Variants in VAV2 observed in about 807,000 individuals in gnomAD.
VAV2 encodes guanine nucleotide exchange factor VAV2.
VAV2 carries 67 observed loss-of-function variants against 132.5 expected under a neutral mutation model. The ratio of observed to expected loss-of-function variants is 0.51; its 90% CI spans 0.42 to 0.62. VAV2 has a LOEUF of 0.62. Ranked by LOEUF, VAV2 falls within the 20% of genes least tolerant of loss-of-function variation. VAV2 has a pLI of 0.00. For synonymous variants in VAV2, 492 were observed against 443.5 expected, an observed-to-expected ratio of 1.11 and a Z score of -1.37; for missense variants, 938 against 1,153.6, an observed-to-expected ratio of 0.81 and a Z score of 2.71.
At chr9:133,976,873 T>G (rs894687936) in intron 1 of VAV2, among the ~76,000 whole-genome samples, 1 of 152,190 alleles carries the variant, frequency 6.6e-6, no homozygotes, top group African/African-American at 2.4e-5. Context: ...ATCCCCATCC[T>G]ACAGAGAAGG....
rs1337668181 is a variant in VAV2, at chr9:133,926,617, C to T, written c.321+12486G>A. 6.6e-6 allele frequency among the ~76,000 whole-genome samples: 1 copy of T among 152,160 alleles called. No individual in the cohort carries two copies. Among genetic ancestry groups the T allele is most frequent in the Non-Finnish European group, 1.5e-5 (1 of 68,020 alleles). Reference sequence around the variant, plus strand: ...AGCCTCTGGACCTTTGCACATGCTGCCCCTGAGACCTCCCATACCACCACC... The same window carrying T: ...AGCCTCTGGACCTTTGCACATGCTGTCCCTGAGACCTCCCATACCACCACC... On this transcript the variant is annotated intron_variant, in intron 2 of 29. Coordinates refer to ENST00000371850, the MANE Select transcript of VAV2 (RefSeq NM_001134398.2). The surrounding 1 kb of genome is among the most constrained non-coding windows in gnomAD (Gnocchi z 4.3).
At chr9:133,780,127 G>C in intron 20 of VAV2, 188 bp from the exon 21 acceptor site, 1 of 702,122 alleles carries the variant, frequency 1.4e-6, no homozygotes, top group Non-Finnish European at 2.4e-6. Context: ...TTTCACCTCT[G>C]TGCACCTCCA....
At chr9:133,844,781 G>A (rs1167454643) in intron 3 of VAV2, among the ~76,000 whole-genome samples, 3 of 152,230 alleles carry the variant, frequency 2.0e-5, no homozygotes, top group South Asian at 2.1e-4. Context: ...GCACAGGAAC[G>A]CAGACACGAC....
In VAV2 at chr9:133,983,470, A is replaced by G. The variant is rs552223252; in HGVS notation, c.204+8605T>C. On this transcript the variant is annotated intron_variant, in intron 1 of 29. Transcript: ENST00000371850. ...AGGCCCCCACCAAGGTCCTGCCTCC[A>G]TGAGTCCACCGCCCTGAGGCCAGGG... Among the ~76,000 whole-genome samples, 3 of 152,188 alleles carry G rather than the reference A, an allele frequency of 2.0e-5. No homozygotes were observed. In the South Asian group the frequency reaches 6.2e-4, roughly 32 times the overall value.
At chr9:133,971,023 T>C (rs1264939617) in intron 1 of VAV2, among the ~76,000 whole-genome samples, 4 of 152,134 alleles carry the variant, frequency 2.6e-5, no homozygotes, top group Non-Finnish European at 1.5e-5. Context: ...AAAATATATA[T>C]ATATTACAGG....
chr9:133,927,632 C>A (rs1162074995), intron 2 of VAV2, among the ~76,000 whole-genome samples: 1 of 152,128 alleles, frequency 6.6e-6, no homozygotes, highest in Non-Finnish European at 1.5e-5. Flanking sequence ...TGGAGTTGGC[C>A]CCACTCCAAG....
intron 10 of VAV2, 123 bp from the exon 11 acceptor site, chr9:133,796,647 T>A: frequency 1.2e-6 from 1 of 849,644 alleles, no homozygotes; most frequent in Non-Finnish European, 1.8e-6. Flanking sequence ...CGTTTGGCCC[T>A]TCTCTAGCCA....
At position 133,991,354 on chromosome 9, in the gene VAV2, G is replaced by A. The variant is rs1843009552; in HGVS notation, c.204+721C>T. The stretch of plus-strand genomic sequence containing the variant: ...CATTTTCCTGCCTGGCCCTGCGGCC[G>A]CACGCGTGCCTCCGCCGCGACAAAG... On this transcript the variant is annotated intron_variant, in intron 1 of 29. Transcript: ENST00000371850. This position sits in a 1 kb window ranked among gnomAD's most constrained non-coding sequence, Gnocchi z 4.8. 6.6e-6 allele frequency among the ~76,000 whole-genome samples: 1 copy of A among 152,200 alleles called. No individual in the cohort carries two copies. The highest frequency in any genetic ancestry group is 2.4e-5 in the African/African-American group (1 of 41,452).
chr9:133,868,279 C>T (rs953236980), intron 2 of VAV2, among the ~76,000 whole-genome samples: 3 of 152,336 alleles, frequency 2.0e-5, no homozygotes, highest in African/African-American at 4.8e-5. Flanking sequence ...CAGCAGGCAC[C>T]GCATCCCCAT....
intron 22 of VAV2, among the ~76,000 whole-genome samples, chr9:133,778,314 G>A (rs995694478): frequency 2.0e-5 from 3 of 152,118 alleles, no homozygotes; most frequent in African/African-American, 2.4e-5. Flanking sequence ...GGGAAGGAGC[G>A]AACCTGCCCG....
rs1459736915 is a variant in VAV2 at position 133,789,753 on chromosome 9, C to T, written c.1189-410G>A. Among the ~76,000 whole-genome samples the T allele has an allele frequency of 5.5e-5, 8 of 144,880 alleles. No homozygotes were observed. In the South Asian group the frequency reaches 1.2e-3, roughly 22 times the overall value. On this transcript the variant is annotated intron_variant, in intron 13 of 29. Coordinates refer to ENST00000371850, the MANE Select transcript of VAV2 (RefSeq NM_001134398.2). ...CTATCTGCTGCAGGGCGGGTGGGGC[C>T]GGGGTCCTGCCAAGGGTGAGGCTTC... is the stretch of plus-strand genomic sequence containing the variant.
intron 4 of VAV2, among the ~76,000 whole-genome samples, chr9:133,818,078 A>G (rs1432570285): frequency 6.6e-6 from 1 of 152,008 alleles, no homozygotes. Context: ...AAAAAGGCAG[A>G]GGGCGGCCGG....
At position 133,833,642 on chromosome 9, in the gene VAV2, GCC is replaced by G. The variant is rs1444519182; in HGVS notation, c.449+628_449+629del. ...TCCTACCTCCCTCCTCCTGGAGCGG[GCC>G]ACGTGATCCCACCCTGGTCACAGAT... On this transcript the variant is annotated intron_variant, in intron 4 of 29. Coordinates refer to ENST00000371850, the MANE Select transcript of VAV2 (RefSeq NM_001134398.2). The surrounding 1 kb of genome is among the most constrained non-coding windows in gnomAD (Gnocchi z 5.6). 6.6e-6 allele frequency among the ~76,000 whole-genome samples: 1 copy of G among 152,054 alleles called. No homozygotes were observed. Among genetic ancestry groups the G allele is most frequent in the Admixed American group, 6.5e-5 (1 of 15,282 alleles).
chr9:133,795,633 G>T (rs368003816), intron 12 of VAV2, 35 bp downstream of exon 12: 2 of 1,611,064 alleles, frequency 1.2e-6, no homozygotes, highest in Admixed American at 1.7e-5. Flanking sequence ...TAAGCCAGAC[G>T]GTGGCTTCTC....
At chr9:133,782,695 C>T (rs650830) in intron 19 of VAV2, among the ~76,000 whole-genome samples, 35,536 of 152,164 alleles carry the variant, frequency 0.23, 4,475 homozygotes, top group South Asian at 0.31. Flanking sequence ...CCCAGAGACT[C>T]GGCCTGGGGC....
chr9:133,988,588 G>A (rs1842925138), intron 1 of VAV2, among the ~76,000 whole-genome samples: 1 of 152,196 alleles, frequency 6.6e-6, no homozygotes. Context: ...ACCACCAAGG[G>A]TGGAGATGAC....
At chr9:133,940,926 GAA>G (rs59772575) in intron 1 of VAV2, among the ~76,000 whole-genome samples, 20 of 135,616 alleles carry the variant, frequency 1.5e-4, no homozygotes, top group African/African-American at 2.5e-4. Context: ...ATAGCTAAAA[GAA>G]AAAAAAAAAA....
chr9:133,898,914 A>C (rs149016859), intron 2 of VAV2, among the ~76,000 whole-genome samples: 1,503 of 142,014 alleles, frequency 0.011, 28 homozygotes, highest in African/African-American at 0.034. Flanking sequence ...CTCCGCCTCC[A>C]GGGTTCTCAC....
chr9:133,817,265 G>A (rs571209907), intron 4 of VAV2, among the ~76,000 whole-genome samples: 5 of 151,872 alleles, frequency 3.3e-5, no homozygotes, highest in African/African-American at 1.2e-4. Context: ...CTGAGAGACT[G>A]CAATAATACC....
Sources: gnomAD v4.1 joint callset for allele counts (sites outside exome capture counted in the v4.1 genomes callset) on GRCh38, gnomAD v4.1.1 for gene constraint, Gnocchi (gnomAD v3.1) non-coding constraint, MANE v1.5 for transcripts, NCBI Gene and HGNC (gene_info 2026-07-23, HGNC 2026-07-21) for gene names.